Variants in C2orf69 observed in about 807,000 individuals in gnomAD.
C2orf69 encodes mitochondrial protein C2orf69.
A neutral mutation model predicts 29.5 loss-of-function variants in C2orf69; 19 were observed. The observed-to-expected ratio is 0.65, with a 90% CI of 0.45 to 0.95. The LOEUF is 0.95. Ranked by LOEUF, C2orf69 falls within the 40% of genes least tolerant of loss-of-function variation. C2orf69 has a pLI of 0.00. For synonymous variants in C2orf69, 194 were observed against 180.0 expected (o/e 1.08, Z -0.62); for missense variants, 416 against 482.1 (o/e 0.86, Z 1.28).
chr2:199,911,815 A>G (rs1211520311), intron 1 of C2orf69, 44 bp downstream of exon 1: 5 of 1,535,748 alleles, frequency 3.3e-6, no homozygotes, highest in Admixed American at 2.0e-5. Context: ...CCTCTCGTGT[A>G]TACGTACGCG....
Position 199,925,346 on chromosome 2 carries a change from T to C in C2orf69, c.618T>C (p.Ser206=). 6.2e-7 allele frequency: 1 copy of C among 1,613,502 alleles called. No homozygotes were observed. Among genetic ancestry groups the C allele is most frequent in the Non-Finnish European group, 8.5e-7 (1 of 1,179,706 alleles). ...GTCAGAATAGTTTATCAAAGAAAAG[T>C]TTGAATGTTTGGAATAAGGACTCCA... ...NLSQNSLSKK[S]LNVWNKDSIA... The change falls in exon 2 of 2, where the codon AGT becomes AGC. Residue 206 remains serine (S), a synonymous_variant. Transcript: ENST00000319974. The surrounding 1 kb of genome is among the most constrained non-coding windows in gnomAD (Gnocchi z 4.9).
chr2:199,911,818 C>G, intron 1 of C2orf69, 47 bp downstream of exon 1: 2 of 1,535,074 alleles, frequency 1.3e-6, no homozygotes, highest in Non-Finnish European at 1.7e-6. Context: ...CTCGTGTATA[C>G]GTACGCGGTC....
In C2orf69 at chr2:199,925,796, G is replaced by C. The variant is rs2077333286; in HGVS notation, c.1068G>C (p.Gly356=). Residue 356 remains glycine (G), a synonymous_variant, in exon 2 of 2, where the codon GGG becomes GGC. Transcript: ENST00000319974. The surrounding 1 kb of genome is among the most constrained non-coding windows in gnomAD (Gnocchi z 4.9). ...ACAAGAAATTTGTTCAGATACTTGG[G>C]GATCTTGGTATGCAGGTGACTAGCC... ...KEHKKFVQIL[G]DLGMQVTSQI... The C allele has an allele frequency of 6.2e-7, 1 of 1,613,842 alleles. No individual in the cohort carries two copies. Among genetic ancestry groups the C allele is most frequent in the Non-Finnish European group, 8.5e-7 (1 of 1,179,824 alleles).
chr2:199,911,891 C>A lies in C2orf69; in HGVS notation c.333+120C>A, dbSNP rs999584286. ...CCTTGCCTGAACACACCCACACATT[C>A]ACTGAGGGTGGCTCTTCCTCTACTC... On this transcript the variant is annotated intron_variant, in intron 1 of 1. Coordinates refer to ENST00000319974, the MANE Select transcript of C2orf69 (RefSeq NM_153689.6). 26 of 1,351,932 alleles carry A rather than the reference C, an allele frequency of 1.9e-5. No individual in the cohort carries two copies. The African/African-American group carries it at 2.9e-4, about 15-fold the overall frequency. The allele number at this position is 1,351,932 out of a possible 1,614,324, so 83.7% of individuals were successfully genotyped here. A position where few individuals can be genotyped will look rare whatever the true frequency, so the allele number is the denominator to read the frequency against.
intron 1 of C2orf69, among the ~76,000 whole-genome samples, chr2:199,912,239 A>G (rs897373821): frequency 2.6e-5 from 4 of 152,202 alleles, no homozygotes; most frequent in Admixed American, 2.6e-4. Context: ...GTAACCCTAA[A>G]AAAGAGTGGG....
chr2:199,925,778 A>C lies in C2orf69; in HGVS notation c.1050A>C (p.Lys350Asn). 1.9e-6 allele frequency: 3 copies of C among 1,613,898 alleles called. No individual in the cohort carries two copies. The highest frequency in any genetic ancestry group is 2.5e-6 in the Non-Finnish European group (3 of 1,179,846). Residue 350 changes from lysine to asparagine, a missense_variant, in exon 2 of 2, where the codon AAA becomes AAC. Transcript: ENST00000319974. This position sits in a 1 kb window ranked among gnomAD's most constrained non-coding sequence, Gnocchi z 4.9. ...CTTGGATTGGAAAGGAGCACAAGAA[A>C]TTTGTTCAGATACTTGGGGATCTTG... Reference protein sequence around the residue: ...MRSWIGKEHKKFVQILGDLGM... With the variant: ...MRSWIGKEHKNFVQILGDLGM...
chr2:199,919,501 C>A (rs530627040), intron 1 of C2orf69, among the ~76,000 whole-genome samples: 1 of 152,286 alleles, frequency 6.6e-6, no homozygotes, highest in South Asian at 2.1e-4. Flanking sequence ...GTCATTCTAG[C>A]CTGCTTACTT....
Position 199,911,787 on chromosome 2 carries a change from C to G in C2orf69, c.333+16C>G. Reference sequence around the variant, plus strand: ...GGATGTGCAGGTAACTCGGGGCCTGCCTGGGTATCTGTTCCTTCCTCTCGT... The same window carrying G: ...GGATGTGCAGGTAACTCGGGGCCTGGCTGGGTATCTGTTCCTTCCTCTCGT... On this transcript the variant is annotated intron_variant, in intron 1 of 1. Transcript: ENST00000319974. 6.5e-7 allele frequency: 1 copy of G among 1,537,268 alleles called. No homozygotes were observed. The highest frequency in any genetic ancestry group is 8.7e-7 in the Non-Finnish European group (1 of 1,146,864).
intron 1 of C2orf69, among the ~76,000 whole-genome samples, chr2:199,914,271 C>T (rs1025302428): frequency 6.6e-6 from 1 of 152,118 alleles, no homozygotes; most frequent in African/African-American, 2.4e-5. Context: ...AACTTTAGGC[C>T]AACCAATTAT....
rs985693338 is a variant in C2orf69, at chr2:199,927,157, T to C, written c.*1271T>C. On this transcript the variant is annotated 3_prime_UTR_variant, in exon 2 of 2. Transcript: ENST00000319974. ...GCCCGTTTTTCTTGACCTAGATAAA[T>C]ACACTTTGAGAAATCCAGATCTAAT... is the stretch of plus-strand genomic sequence containing the variant. 3 of 152,150 alleles carry C rather than the reference T, an allele frequency of 2.0e-5. No homozygotes were observed. Among genetic ancestry groups the C allele is most frequent in the Non-Finnish European group, 4.4e-5 (3 of 68,014 alleles). 9.4% of individuals were successfully genotyped at this position (152,150 alleles called of 1,614,324 possible).
Position 199,925,350 on chromosome 2 carries a change from A to G in C2orf69, c.622A>G (p.Asn208Asp). ...GAATAGTTTATCAAAGAAAAGTTTG[A>G]ATGTTTGGAATAAGGACTCCATAGC... ...SQNSLSKKSL[N>D]VWNKDSIASN... is the part of the protein sequence containing the mutation. Residue 208 changes from asparagine (N) to aspartate (D), a missense_variant, in exon 2 of 2, where the codon AAT becomes GAT. This residue lies in a region of C2orf69 where 225 missense variants were observed against 307.3 expected (regional missense o/e 0.73). Transcript: ENST00000319974. The surrounding 1 kb of genome is among the most constrained non-coding windows in gnomAD (Gnocchi z 4.9). The G allele has an allele frequency of 1.2e-6, 2 of 1,613,564 alleles. No individual in the cohort carries two copies. The highest frequency in any genetic ancestry group is 1.7e-6 in the Non-Finnish European group (2 of 1,179,742).
rs1215209773 is a variant in C2orf69 at position 199,911,497 on chromosome 2, G to T, written c.59G>T (p.Gly20Val). ...TTGCTGCTCCTGCTGCCGCAGCTCG[G>T]AATCGGAAACGCCTCGTCCTGCTCT... ...PPLLLLLPQL[G>V]IGNASSCSQA... Residue 20 changes from glycine to valine, a missense_variant, in exon 1 of 2, where the codon GGA (glycine) becomes GTA (valine). Physicochemically the swap from Gly to Val is moderately radical, Grantham distance 109. Coordinates refer to ENST00000319974, the MANE Select transcript of C2orf69 (RefSeq NM_153689.6). The T allele has an allele frequency of 6.5e-7, 1 of 1,547,646 alleles. No individual in the cohort carries two copies. The highest frequency in any genetic ancestry group is 2.0e-5 in the Admixed American group (1 of 50,856).
At chr2:199,912,629 G>C (rs762725450) in intron 1 of C2orf69, among the ~76,000 whole-genome samples, 5 of 152,042 alleles carry the variant, frequency 3.3e-5, no homozygotes, top group Admixed American at 2.6e-4. Flanking sequence ...CTAGACTATA[G>C]CTAGGTATGT....
chr2:199,911,762 G>C lies in C2orf69; in HGVS notation c.324G>C (p.Gly108=), dbSNP rs1487902151. The part of the protein sequence containing the change: ...PPQHHVLYFP[G]DVQNYHEIMT... ...AGCATCACGTCCTCTATTTCCCTGG[G>C]GATGTGCAGGTAACTCGGGGCCTGC... Residue 108 remains glycine, a synonymous_variant, in exon 1 of 2, where the codon GGG becomes GGC. Transcript: ENST00000319974. The C allele has an allele frequency of 2.6e-6, 4 of 1,538,956 alleles. No homozygotes were observed. The highest frequency in any genetic ancestry group is 1.4e-5 in the African/African-American group (1 of 73,176).
intron 1 of C2orf69, among the ~76,000 whole-genome samples, chr2:199,921,241 C>T (rs993203656): frequency 2.0e-4 from 30 of 151,688 alleles, no homozygotes; most frequent in African/African-American, 5.6e-4. Flanking sequence ...CTCCTGACCT[C>T]GTGATCCGCC....
At chr2:199,916,846 G>A (rs983234444) in intron 1 of C2orf69, among the ~76,000 whole-genome samples, 7 of 152,182 alleles carry the variant, frequency 4.6e-5, no homozygotes, top group Non-Finnish European at 7.3e-5. Context: ...CCAGGCACAC[G>A]GTGCAAGCTG....
intron 1 of C2orf69, among the ~76,000 whole-genome samples, chr2:199,912,028 A>G (rs980204153): frequency 6.6e-6 from 1 of 152,224 alleles, no homozygotes; most frequent in Admixed American, 6.5e-5. Flanking sequence ...CTGTCGGTCC[A>G]GGTTTCCAAG....
chr2:199,912,863 A>G (rs1213346708), intron 1 of C2orf69, among the ~76,000 whole-genome samples: 1 of 151,954 alleles, frequency 6.6e-6, no homozygotes, highest in Non-Finnish European at 1.5e-5. Flanking sequence ...CTGGTCTCGA[A>G]CTTCTGACTT....
At chr2:199,912,008 A>G (rs920557142) in intron 1 of C2orf69, among the ~76,000 whole-genome samples, 11 of 152,188 alleles carry the variant, frequency 7.2e-5, no homozygotes, top group African/African-American at 2.7e-4. Flanking sequence ...TACGATCTCG[A>G]AAGAGCCAGC....
Sources: allele counts gnomAD v4.1 joint callset (sites outside exome capture counted in the v4.1 genomes callset), GRCh38; gene constraint gnomAD v4.1.1; regional missense constraint gnomAD v4.1.1; non-coding constraint Gnocchi (gnomAD v3.1); transcripts MANE v1.5; gene names NCBI Gene and HGNC (gene_info 2026-07-23, HGNC 2026-07-21).